The following LAMC3 variants were observed in gnomAD, a reference collection of about 807,000 sequenced individuals.
LAMC3 encodes laminin subunit gamma 3.
LAMC3 carries 128 observed loss-of-function variants against 173.8 expected under a neutral mutation model. That is an observed-to-expected ratio of 0.74 (90% CI 0.64 to 0.85). LAMC3 has a LOEUF of 0.85. Ranked by LOEUF, LAMC3 falls within the 40% of genes least tolerant of loss-of-function variation. The pLI is 0.00. For missense variants in LAMC3, 2,022 were observed against 2,156.0 expected, an observed-to-expected ratio of 0.94 and a Z score of 1.23; for synonymous variants, 897 against 909.1, an observed-to-expected ratio of 0.99 and a Z score of 0.24.
intron 15 of LAMC3, among the ~76,000 whole-genome samples, chr9:131,068,464 G>A (rs1465624174): frequency 6.6e-6 from 1 of 152,186 alleles, no homozygotes; most frequent in Non-Finnish European, 1.5e-5. Flanking sequence ...CAGGCAGGCA[G>A]GTGGCCGGTT....
At chr9:131,082,277 T>G (rs1830255499) in intron 24 of LAMC3, 116 bp downstream of exon 24, 1 of 760,958 alleles carries the variant, frequency 1.3e-6, no homozygotes, top group Admixed American at 2.0e-5. Context: ...TCTTGTGGGC[T>G]TAATTAAGCC....
chr9:131,032,625 ACT>A (rs1564368561), intron 3 of LAMC3, among the ~76,000 whole-genome samples: 1 of 63,948 alleles, frequency 1.6e-5, no homozygotes, highest in South Asian at 5.1e-4. Flanking sequence ...TCTCTCTCTC[ACT>A]CTCTCTTGCT....
At position 131,068,978 on chromosome 9, in the gene LAMC3, C is replaced by A. The variant is rs202226566; in HGVS notation, c.2818C>A (p.Pro940Thr). 6.7e-5 allele frequency: 108 copies of A among 1,614,030 alleles called. No homozygotes were observed. Among genetic ancestry groups the A allele is most frequent in the Non-Finnish European group, 1.2e-5 (14 of 1,179,964 alleles). Residue 940 changes from proline to threonine, a missense_variant, in exon 16 of 28, where the codon CCA becomes ACA. Coordinates refer to ENST00000361069, the MANE Select transcript of LAMC3 (RefSeq NM_006059.4). ...CAAGACTGGACAGTGCACCTGCCGC[C>A]CAGGTGTCACAGGCCAGGCCTGTGA... The part of the protein sequence containing the change: ...HPKTGQCTCR[P>T]GVTGQACDRC...
intron 17 of LAMC3, 131 bp from the exon 18 acceptor site, chr9:131,071,353 C>A (rs4740408): frequency 3.9e-6 from 4 of 1,032,754 alleles, no homozygotes; most frequent in Admixed American, 4.0e-5. Context: ...ATACCCTTAG[C>A]GCTGAGGCCC....
At chr9:131,016,976 T>C (rs1220384180) in intron 1 of LAMC3, among the ~76,000 whole-genome samples, 2 of 152,218 alleles carry the variant, frequency 1.3e-5, no homozygotes, top group Admixed American at 1.3e-4. Context: ...TGTTCTGTTT[T>C]AAGATGTTTT....
chr9:131,061,015 G>C lies in LAMC3; in HGVS notation c.2159-20G>C, dbSNP rs898611522. On this transcript the variant is annotated intron_variant, in intron 12 of 27. Transcript: ENST00000361069. ...CTGGGCATTCTGGGTTCAGACAGTGGTGCTTGTCTTGCCCCTCAGGGATCT... is the reference window on the plus strand; with the variant it reads ...CTGGGCATTCTGGGTTCAGACAGTGCTGCTTGTCTTGCCCCTCAGGGATCT... 6.2e-7 allele frequency: 1 copy of C among 1,613,346 alleles called. No individual in the cohort carries two copies. Among genetic ancestry groups the C allele is most frequent in the South Asian group, 1.1e-5 (1 of 91,066 alleles).
In LAMC3 at chr9:131,010,077, C is replaced by G. The variant is rs192156770; in HGVS notation, c.373+490C>G. Among the ~76,000 whole-genome samples the G allele has an allele frequency of 3.4e-3, 504 of 149,808 alleles. 3 individuals are homozygous for G. Among genetic ancestry groups the G allele is most frequent in the Non-Finnish European group, 5.6e-3 (382 of 67,660 alleles). The stretch of plus-strand genomic sequence containing the variant: ...GCTGGGGCAGGAGAATCGCTTGAAC[C>G]CGGGAGGTGGAGGTTGCCGTGAGCC... On this transcript the variant is annotated intron_variant, in intron 1 of 27. Transcript: ENST00000361069.
At position 131,026,668 on chromosome 9, in the gene LAMC3, GAC is replaced by G; in HGVS notation, c.678+85_678+86del. On this transcript the variant is annotated intron_variant, in intron 2 of 27. Coordinates refer to ENST00000361069, the MANE Select transcript of LAMC3 (RefSeq NM_006059.4). This position sits in a 1 kb window ranked among gnomAD's most constrained non-coding sequence, Gnocchi z 4.8. The stretch of plus-strand genomic sequence containing the variant: ...GCAGTAGGAGGGTCTGATGTGCCAG[GAC>G]ACACAGGGTGGGGGACCTGCAAAAC... 1 of 1,456,066 alleles carries G rather than the reference GAC, an allele frequency of 6.9e-7. No individual in the cohort carries two copies. Among genetic ancestry groups the G allele is most frequent in the Non-Finnish European group, 9.0e-7 (1 of 1,107,932 alleles). The allele number at this position is 1,456,066 out of a possible 1,614,324, so 90.2% of individuals were successfully genotyped here. A position where few individuals can be genotyped will look rare whatever the true frequency, so the allele number is the denominator to read the frequency against.
intron 8 of LAMC3, among the ~76,000 whole-genome samples, chr9:131,048,047 ATTTTTTTTT>A (rs59291636): frequency 5.6e-5 from 3 of 53,392 alleles, no homozygotes; most frequent in Non-Finnish European, 9.5e-5. Flanking sequence ...CACCCAGCTG[ATTTTTTTTT>A]TTTTTTTTTT....
intron 22 of LAMC3, among the ~76,000 whole-genome samples, chr9:131,077,706 A>AC (rs1830158496): frequency 6.7e-6 from 1 of 149,182 alleles, no homozygotes; most frequent in Non-Finnish European, 1.5e-5. Flanking sequence ...AAAAAAAAAA[A>AC]AAAAAAACTA....
chr9:131,091,907 G>GA lies in LAMC3; in HGVS notation c.*120_*121insA. On this transcript the variant is annotated 3_prime_UTR_variant, in exon 28 of 28. Coordinates refer to ENST00000361069, the MANE Select transcript of LAMC3 (RefSeq NM_006059.4). Reference sequence around the variant, plus strand: ...CCCCGGAGCCGGCTGCTGTGAACTCGCCCCCGTGTGGATAGTCACTCCCTG... The same window carrying GA: ...CCCCGGAGCCGGCTGCTGTGAACTCGACCCCCGTGTGGATAGTCACTCCCTG... 1 of 1,207,036 alleles carries GA rather than the reference G, an allele frequency of 8.3e-7. No individual in the cohort carries two copies. The highest frequency in any genetic ancestry group is 1.1e-6 in the Non-Finnish European group (1 of 882,426). The allele number at this position is 1,207,036 out of a possible 1,614,324, so 74.8% of individuals were successfully genotyped here.
chr9:131,084,039 A>ATTTTTTTT (rs34293977), intron 24 of LAMC3, among the ~76,000 whole-genome samples: 1 of 131,192 alleles, frequency 7.6e-6, no homozygotes, highest in African/African-American at 2.8e-5. Context: ...CACACCCGGC[A>ATTTTTTTT]TTTTTTTTTT....
At chr9:131,015,266 G>T (rs950063553) in intron 1 of LAMC3, among the ~76,000 whole-genome samples, 1 of 152,114 alleles carries the variant, frequency 6.6e-6, no homozygotes, top group Non-Finnish European at 1.5e-5. Flanking sequence ...TGGATGAAGG[G>T]CCCCCAGCCT....
intron 13 of LAMC3, among the ~76,000 whole-genome samples, 193 bp downstream of exon 13, chr9:131,061,416 C>T (rs980179440): frequency 1.7e-4 from 26 of 152,160 alleles, no homozygotes; most frequent in Non-Finnish European, 2.9e-5. Flanking sequence ...CCCAGGCTGC[C>T]GCACATTGCC....
rs1428994478 is a variant in LAMC3 at position 131,052,954 on chromosome 9, C to A, written c.1928C>A (p.Pro643His). 2.5e-6 allele frequency: 4 copies of A among 1,612,332 alleles called. No homozygotes were observed. Among genetic ancestry groups the A allele is most frequent in the Non-Finnish European group, 3.4e-6 (4 of 1,179,292 alleles). ...CTCCGCCTCCGCGTCAGTCCCGGCC[C>A]CAGCCCTGCCGGTCAGTAAAGACAA... is the stretch of plus-strand genomic sequence containing the variant. ...TSLRLRVSPG[P>H]SPAGPVFLTE... The change falls in exon 11 of 28, where the codon CCC becomes CAC. Residue 643 changes from proline to histidine, a missense_variant. By Grantham distance (77) the Pro-to-His change is moderately conservative. Coordinates refer to ENST00000361069, the MANE Select transcript of LAMC3 (RefSeq NM_006059.4).
chr9:131,093,818 T>G lies in LAMC3; in HGVS notation c.*2031T>G, dbSNP rs1830464482. On this transcript the variant is annotated 3_prime_UTR_variant, in exon 28 of 28. Transcript: ENST00000361069. ...TCTGCTTCGTTCTTTTCTCTTTATTTATTGATTTTTTTTGAGATGGAGTCT... is the reference window on the plus strand; with the variant it reads ...TCTGCTTCGTTCTTTTCTCTTTATTGATTGATTTTTTTTGAGATGGAGTCT... 6.6e-6 allele frequency: 1 copy of G among 152,564 alleles called. No individual in the cohort carries two copies. Among genetic ancestry groups the G allele is most frequent in the African/African-American group, 2.4e-5 (1 of 41,428 alleles). 9.5% of individuals were successfully genotyped at this position (152,564 alleles called of 1,614,324 possible). A position where few individuals can be genotyped will look rare whatever the true frequency, so the allele number is the denominator to read the frequency against.
intron 1 of LAMC3, among the ~76,000 whole-genome samples, chr9:131,010,697 G>C (rs778865872): frequency 1.2e-4 from 19 of 152,262 alleles, no homozygotes; most frequent in Admixed American, 3.9e-4. Flanking sequence ...CTGGGGAGGA[G>C]GACTAAGTTT....
intron 6 of LAMC3, among the ~76,000 whole-genome samples, 163 bp from the exon 7 acceptor site, chr9:131,041,474 G>A (rs1459942080): frequency 1.3e-5 from 2 of 152,078 alleles, no homozygotes; most frequent in African/African-American, 4.8e-5. Context: ...AGTGATGGAT[G>A]GGTCACTTCC....
In LAMC3 at chr9:131,045,550, A is replaced by G; in HGVS notation, c.1409A>G (p.Gln470Arg). The G allele has an allele frequency of 3.1e-6, 5 of 1,613,964 alleles. No homozygotes were observed. The highest frequency in any genetic ancestry group is 4.2e-6 in the Non-Finnish European group (5 of 1,180,038). Residue 470 changes from glutamine (Q) to arginine (R), a missense_variant, in exon 8 of 28, where the codon CAG becomes CGG. Physicochemically the swap from Gln to Arg is conservative, Grantham distance 43. Coordinates refer to ENST00000361069, the MANE Select transcript of LAMC3 (RefSeq NM_006059.4). ...DRCRPGTFNL[Q>R]PHNPAGCSSC... ...TGTCGCCCGGGGACCTTTAACCTGC[A>G]GCCCCACAATCCAGCTGGCTGCAGC...
Sources: allele counts gnomAD v4.1 joint callset (sites outside exome capture counted in the v4.1 genomes callset), GRCh38; gene constraint gnomAD v4.1.1; non-coding constraint Gnocchi (gnomAD v3.1); transcripts MANE v1.5; gene names NCBI Gene and HGNC (gene_info 2026-07-23, HGNC 2026-07-21).